HSD17B2: variants seen among roughly 807,000 people sequenced by gnomAD.
The protein encoded by HSD17B2 is hydroxysteroid 17-beta dehydrogenase 2.
Under a neutral mutation model 26.9 loss-of-function variants are expected in HSD17B2, and 32 were observed. The observed-to-expected ratio is 1.19, with a 90% CI of 0.90 to 1.60. The LOEUF (loss-of-function observed/expected upper bound fraction) is 1.60, where lower values mean the gene tolerates loss of function less well. HSD17B2 is among the 40% of genes most tolerant of loss of function. The pLI is 0.00. For synonymous variants in HSD17B2, 246 were observed against 186.7 expected (o/e 1.32, Z -2.59); for missense variants, 613 against 468.6 (o/e 1.31, Z -2.85).
rs764183038 is a variant in HSD17B2, at chr16:82,071,025, T to A, written c.562T>A (p.Cys188Ser). Reference sequence around the variant, plus strand: ...TCTTCTTATGACTGACTACAAACAATGCATGGCCGTGAACTTCTTTGGAAC... The same window carrying A: ...TCTTCTTATGACTGACTACAAACAAAGCATGGCCGTGAACTTCTTTGGAAC... ...ELLLMTDYKQ[C>S]MAVNFFGTVE... Residue 188 changes from cysteine (C) to serine (S), a missense_variant, in exon 3 of 5, where the codon TGC (cysteine) becomes AGC (serine). Physicochemically the swap from Cys to Ser is moderately radical, Grantham distance 112. Transcript: ENST00000199936. 8 of 1,614,114 alleles carry A rather than the reference T, an allele frequency of 5.0e-6. No homozygotes were observed. Among genetic ancestry groups the A allele is most frequent in the East Asian group, 2.2e-5 (1 of 44,890 alleles).
chr16:82,049,829 G>T, intron 1 of HSD17B2, among the ~76,000 whole-genome samples: 1 of 152,260 alleles, frequency 6.6e-6, no homozygotes, highest in East Asian at 1.9e-4. Flanking sequence ...CCTTTGGTAA[G>T]GCACAAAGGT....
intron 1 of HSD17B2, among the ~76,000 whole-genome samples, chr16:82,053,235 A>G (rs566188742): frequency 3.9e-5 from 6 of 152,294 alleles, no homozygotes; most frequent in Admixed American, 6.5e-5. Flanking sequence ...GCCCACGTAC[A>G]TCAGGGAATT....
chr16:82,043,513 C>T (rs1401819475), intron 1 of HSD17B2, among the ~76,000 whole-genome samples: 4 of 142,674 alleles, frequency 2.8e-5, no homozygotes, highest in Middle Eastern at 3.4e-3. Context: ...TGAAACCCCG[C>T]CTCTACTAAA....
intron 3 of HSD17B2, among the ~76,000 whole-genome samples, chr16:82,083,719 C>T (rs962877091): frequency 6.6e-6 from 1 of 152,154 alleles, no homozygotes; most frequent in Admixed American, 6.5e-5. Context: ...AATTACCCTT[C>T]ATCCTCTGCC....
intron 4 of HSD17B2, chr16:82,096,115 G>A (rs758882899): frequency 2.6e-5 from 4 of 151,912 alleles, no homozygotes; most frequent in Non-Finnish European, 5.9e-5. Flanking sequence ...TGTAGTTTGT[G>A]TATTAAAATT....
chr16:82,085,059 C>G (rs761847398), intron 3 of HSD17B2, among the ~76,000 whole-genome samples: 1 of 152,142 alleles, frequency 6.6e-6, no homozygotes, highest in Non-Finnish European at 1.5e-5. Context: ...TACTTTATAC[C>G]AAAGCAAGCA....
At chr16:82,081,528 G>C (rs1904380203) in intron 3 of HSD17B2, among the ~76,000 whole-genome samples, 1 of 152,106 alleles carries the variant, frequency 6.6e-6, no homozygotes, top group African/African-American at 2.4e-5. Context: ...GAAAACCCGA[G>C]GTCCTATAGC....
chr16:82,077,492 G>A (rs1438297734), intron 3 of HSD17B2, among the ~76,000 whole-genome samples: 2 of 152,192 alleles, frequency 1.3e-5, no homozygotes, highest in East Asian at 3.9e-4. Context: ...CCAGCACACA[G>A]GGAGGTCAGG....
At chr16:82,040,082 G>C (rs924662651) in intron 1 of HSD17B2, among the ~76,000 whole-genome samples, 6 of 152,240 alleles carry the variant, frequency 3.9e-5, no homozygotes, top group Non-Finnish European at 8.8e-5. Flanking sequence ...TGCTGCATTA[G>C]ATAATTTTTA....
chr16:82,082,768 G>C (rs1239435491), intron 3 of HSD17B2, among the ~76,000 whole-genome samples: 1 of 152,184 alleles, frequency 6.6e-6, no homozygotes, highest in Non-Finnish European at 1.5e-5. Context: ...TAAACATTAA[G>C]AGTTATTATG....
chr16:82,044,631 C>T (rs1166159019), intron 1 of HSD17B2: 2 of 152,274 alleles, frequency 1.3e-5, no homozygotes, highest in African/African-American at 4.8e-5. Context: ...AAGACCTTTG[C>T]ACCAGGCAAA....
intron 3 of HSD17B2, among the ~76,000 whole-genome samples, chr16:82,073,841 GA>G (rs1335515307): frequency 2.6e-5 from 4 of 152,048 alleles, no homozygotes; most frequent in African/African-American, 9.7e-5. Flanking sequence ...CACAGAACTA[GA>G]AAAAAAGATT....
intron 4 of HSD17B2, chr16:82,095,681 C>A (rs72547418): frequency 6.6e-6 from 1 of 152,292 alleles, no homozygotes; most frequent in East Asian, 1.9e-4. Context: ...ACTGGAAGGT[C>A]ATTGGATAGG....
At chr16:82,082,785 C>A (rs761437512) in intron 3 of HSD17B2, among the ~76,000 whole-genome samples, 1 of 152,168 alleles carries the variant, frequency 6.6e-6, no homozygotes, top group Non-Finnish European at 1.5e-5. Context: ...TATGAAGGAT[C>A]CATTACATTT....
At chr16:82,086,198 T>C (rs1904522582) in intron 3 of HSD17B2, among the ~76,000 whole-genome samples, 1 of 152,178 alleles carries the variant, frequency 6.6e-6, no homozygotes, top group Admixed American at 6.5e-5. Context: ...AGCAACATTA[T>C]TCACAATAGC....
intron 1 of HSD17B2, among the ~76,000 whole-genome samples, chr16:82,061,430 G>C (rs1422103090): frequency 6.6e-6 from 1 of 152,186 alleles, no homozygotes; most frequent in African/African-American, 2.4e-5. Flanking sequence ...GGCACAGAGA[G>C]GTTAAGTGAC....
chr16:82,087,622 T>C (rs1185523240), intron 3 of HSD17B2, among the ~76,000 whole-genome samples: 2 of 152,238 alleles, frequency 1.3e-5, no homozygotes, highest in East Asian at 1.9e-4. Context: ...CAATGTGGTA[T>C]ATGATCTACT....
chr16:82,051,342 G>A (rs1914100351), intron 1 of HSD17B2, among the ~76,000 whole-genome samples: 1 of 152,184 alleles, frequency 6.6e-6, no homozygotes, highest in Non-Finnish European at 1.5e-5. Flanking sequence ...GTGCCTTCCC[G>A]CCAGGGTTAG....
At chr16:82,080,329 G>T (rs1904345460) in intron 3 of HSD17B2, among the ~76,000 whole-genome samples, 1 of 152,112 alleles carries the variant, frequency 6.6e-6, no homozygotes, top group South Asian at 2.1e-4. Flanking sequence ...AGATGAGGAG[G>T]TTATCCTGGA....
Sources: allele counts gnomAD v4.1 joint callset (sites outside exome capture counted in the v4.1 genomes callset), GRCh38; gene constraint gnomAD v4.1.1; transcripts MANE v1.5; gene names NCBI Gene and HGNC (gene_info 2026-07-23, HGNC 2026-07-21).